Variants in GALNTL6 observed in about 807,000 individuals in gnomAD.
GALNTL6 encodes the protein polypeptide N-acetylgalactosaminyltransferase-like 6.
A neutral mutation model predicts 73.7 loss-of-function variants in GALNTL6; 46 were observed. That is an observed-to-expected ratio of 0.62 (90% CI 0.49 to 0.80). The LOEUF (loss-of-function observed/expected upper bound fraction) is 0.80, where lower values mean the gene tolerates loss of function less well. GALNTL6 is among the 30% of genes least tolerant of loss of function. GALNTL6 has a pLI of 0.00. For synonymous variants in GALNTL6, 259 were observed against 263.7 expected (o/e 0.98, Z 0.17); for missense variants, 604 against 755.0 (o/e 0.80, Z 2.34).
chr4:172,272,016 G>C (rs1408724045), intron 3 of GALNTL6, among the ~76,000 whole-genome samples: 2 of 151,928 alleles, frequency 1.3e-5, no homozygotes, highest in African/African-American at 4.8e-5. Flanking sequence ...GCAGTGGCAT[G>C]ACCTTGGCTC....
At chr4:171,897,956 C>G (rs1736977625) in intron 2 of GALNTL6, among the ~76,000 whole-genome samples, 1 of 151,228 alleles carries the variant, frequency 6.6e-6, no homozygotes, top group Admixed American at 6.6e-5. Context: ...AATGGAAAGT[C>G]AAAGACTAGG....
At chr4:172,671,700 G>C (rs1463083535) in intron 5 of GALNTL6, among the ~76,000 whole-genome samples, 2 of 152,138 alleles carry the variant, frequency 1.3e-5, no homozygotes, top group African/African-American at 4.8e-5. Flanking sequence ...ATGTTGAGTA[G>C]GAGTGATGAG....
At chr4:172,110,544 T>C (rs1481710557) in intron 2 of GALNTL6, among the ~76,000 whole-genome samples, 2 of 152,214 alleles carry the variant, frequency 1.3e-5, no homozygotes, top group African/African-American at 4.8e-5. Flanking sequence ...AAGCATTTTC[T>C]GCCAACAATC....
intron 2 of GALNTL6, among the ~76,000 whole-genome samples, chr4:171,948,115 T>C (rs1346934504): frequency 6.6e-6 from 1 of 152,130 alleles, no homozygotes; most frequent in African/African-American, 2.4e-5. Flanking sequence ...CATTTTGTTC[T>C]GTTTCATTTA....
At position 171,839,678 on chromosome 4, in the gene GALNTL6, CA is replaced by C. The variant is rs35550994; in HGVS notation, c.138+24972del. ...AATCAAGGGAATAACAGGATTGCAGCAAAAAAAAAAAAGATGTAATAAAAAT... is the reference window on the plus strand; with the variant it reads ...AATCAAGGGAATAACAGGATTGCAGCAAAAAAAAAAAGATGTAATAAAAAT... On this transcript the variant is annotated intron_variant, in intron 2 of 12. Coordinates refer to ENST00000506823, the MANE Select transcript of GALNTL6 (RefSeq NM_001034845.3). Among the ~76,000 whole-genome samples, 1,235 of 139,176 alleles carry C rather than the reference CA, an allele frequency of 8.9e-3. 13 individuals carry two copies. The highest frequency in any genetic ancestry group is 0.023 in the African/African-American group (865 of 38,140). 91.3% of individuals were successfully genotyped at this position (139,176 alleles called of 152,430 possible).
chr4:172,892,436 T>C (rs1746081100), intron 8 of GALNTL6, among the ~76,000 whole-genome samples: 1 of 152,166 alleles, frequency 6.6e-6, no homozygotes, highest in Non-Finnish European at 1.5e-5. Context: ...GTGGATAGTT[T>C]CCTGCTTTGG....
At chr4:172,026,493 T>C (rs1366713627) in intron 2 of GALNTL6, among the ~76,000 whole-genome samples, 2 of 152,186 alleles carry the variant, frequency 1.3e-5, no homozygotes, top group Non-Finnish European at 2.9e-5. Context: ...CCTTGAACAG[T>C]TGAAATGTAT....
chr4:171,885,025 C>G (rs1438750767), intron 2 of GALNTL6, among the ~76,000 whole-genome samples: 1 of 149,996 alleles, frequency 6.7e-6, no homozygotes, highest in Non-Finnish European at 1.5e-5. Flanking sequence ...CTGCTGCACT[C>G]CAGCCTGGGC....
intron 9 of GALNTL6, among the ~76,000 whole-genome samples, chr4:172,948,280 T>A (rs1334502101): frequency 2.0e-5 from 3 of 152,218 alleles, no homozygotes; most frequent in Non-Finnish European, 1.5e-5. Flanking sequence ...GTTATTGCCA[T>A]CTTTGCAATT....
At chr4:172,017,265 C>G (rs946681009) in intron 2 of GALNTL6, among the ~76,000 whole-genome samples, 6 of 152,138 alleles carry the variant, frequency 3.9e-5, no homozygotes, top group Non-Finnish European at 7.4e-5. Context: ...ATTCACCTTA[C>G]AGCCTCACTC....
At chr4:172,712,139 G>A (rs767326936) in intron 5 of GALNTL6, among the ~76,000 whole-genome samples, 3 of 152,058 alleles carry the variant, frequency 2.0e-5, no homozygotes, top group Non-Finnish European at 2.9e-5. Flanking sequence ...TAAATGGAAC[G>A]CCATAAAGAA....
intron 5 of GALNTL6, among the ~76,000 whole-genome samples, chr4:172,637,662 T>C (rs1448347100): frequency 1.3e-5 from 2 of 152,166 alleles, no homozygotes; most frequent in Non-Finnish European, 2.9e-5. Context: ...TAAAATCATT[T>C]AACATAATTG....
At position 172,289,416 on chromosome 4, in the gene GALNTL6, T is replaced by C. The variant is rs143872938; in HGVS notation, c.248-22198T>C. On this transcript the variant is annotated intron_variant, in intron 3 of 12. Coordinates refer to ENST00000506823, the MANE Select transcript of GALNTL6 (RefSeq NM_001034845.3). ...TGAAAATATCGTAGTGTTTTGACTA[T>C]TATTTTCCTACTTCATGTTATCTGG... Among the ~76,000 whole-genome samples the C allele has an allele frequency of 6.0e-3, 915 of 152,326 alleles. 11 individuals carry two copies. Among genetic ancestry groups the C allele is most frequent in the African/African-American group, 0.02 (848 of 41,580 alleles).
chr4:172,214,329 A>G (rs1306714088), intron 2 of GALNTL6, among the ~76,000 whole-genome samples: 2 of 152,070 alleles, frequency 1.3e-5, no homozygotes, highest in Non-Finnish European at 2.9e-5. Context: ...TATCTATAAA[A>G]TAGCTTGTCA....
At chr4:172,867,996 C>A (rs573516963) in intron 7 of GALNTL6, among the ~76,000 whole-genome samples, 3 of 152,186 alleles carry the variant, frequency 2.0e-5, no homozygotes, top group African/African-American at 7.2e-5. Flanking sequence ...TATTTAGTAC[C>A]CCAAGGGAAT....
At chr4:172,166,791 C>G (rs1161986519) in intron 2 of GALNTL6, among the ~76,000 whole-genome samples, 1 of 152,276 alleles carries the variant, frequency 6.6e-6, no homozygotes, top group East Asian at 1.9e-4. Flanking sequence ...TGAATTTGTA[C>G]ATAATCTACA....
At chr4:172,522,959 T>C (rs1579151384) in intron 5 of GALNTL6, among the ~76,000 whole-genome samples, 1 of 152,242 alleles carries the variant, frequency 6.6e-6, no homozygotes, top group Non-Finnish European at 1.5e-5. Flanking sequence ...TTGATTGCTC[T>C]CAATAGCCAA....
chr4:172,413,210 T>A (rs566716047), intron 5 of GALNTL6, among the ~76,000 whole-genome samples: 85 of 152,260 alleles, frequency 5.6e-4, no homozygotes, highest in Middle Eastern at 6.8e-3. Flanking sequence ...CAAATGAAAG[T>A]AAGTTTCTGT....
intron 5 of GALNTL6, among the ~76,000 whole-genome samples, chr4:172,547,956 A>T (rs960940010): frequency 1.3e-5 from 2 of 152,180 alleles, no homozygotes; most frequent in Non-Finnish European, 2.9e-5. Flanking sequence ...TGTACAGTTT[A>T]ACAACCACTT....
Sources: allele counts gnomAD v4.1 joint callset (sites outside exome capture counted in the v4.1 genomes callset), GRCh38; gene constraint gnomAD v4.1.1; transcripts MANE v1.5; gene names NCBI Gene and HGNC (gene_info 2026-07-23, HGNC 2026-07-21).